The following ASMTL variants were observed in gnomAD, a reference collection of about 807,000 sequenced individuals.
The protein encoded by ASMTL is probable bifunctional dTTP/UTP pyrophosphatase/methyltransferase protein.
Under a neutral mutation model 60.3 loss-of-function variants are expected in ASMTL, and 57 were observed. The ratio of observed to expected loss-of-function variants is 0.95; its 90% CI spans 0.76 to 1.18. ASMTL has a LOEUF of 1.18. ASMTL is among the 50% of genes most tolerant of loss of function. ASMTL has a pLI of 0.00. For synonymous variants in ASMTL, 419 were observed against 373.0 expected (o/e 1.12, Z -1.42); for missense variants, 981 against 852.6 (o/e 1.15, Z -1.88).
chrX:1,412,679 A>G, intron 12 of ASMTL, 53 bp downstream of exon 12: 1 of 1,611,992 alleles, frequency 6.2e-7, no homozygotes, highest in South Asian at 1.1e-5. Context: ...TAAAACTTGA[A>G]CCCAAAATAC....
intron 2 of ASMTL, among the ~76,000 whole-genome samples, chrX:1,440,187 C>G (rs1480459196): frequency 6.6e-6 from 1 of 151,770 alleles, no homozygotes; most frequent in Non-Finnish European, 1.5e-5. Context: ...CCCGGGTTCA[C>G]GCCATTCTCC....
intron 11 of ASMTL, among the ~76,000 whole-genome samples, chrX:1,416,040 GACAGGCA>G (rs1206919440): frequency 4.3e-5 from 1 of 23,116 alleles, no homozygotes; most frequent in African/African-American, 6.8e-5. Context: ...CAGATACAGT[GACAGGCA>G]CACGCGCACA....
intron 1 of ASMTL, among the ~76,000 whole-genome samples, chrX:1,442,669 G>A (rs2091133843): frequency 2.0e-5 from 3 of 152,176 alleles, no homozygotes; most frequent in South Asian, 2.1e-4. Flanking sequence ...AACAGTGTCC[G>A]AGGATTCCCA....
rs755845711 is a variant in ASMTL, at chrX:1,412,769, G to C, written c.1608C>G (p.His536Gln). 2 of 1,613,972 alleles carry C rather than the reference G, an allele frequency of 1.2e-6. No individual in the cohort carries two copies. The highest frequency in any genetic ancestry group is 1.1e-5 in the South Asian group (1 of 91,070). The part of the protein sequence containing the change: ...ILHDWPDDKV[H>Q]KLLSRVAESC... The stretch of plus-strand genomic sequence containing the variant: ...TCTCGGCGACCCTGCTGAGTAACTT[G>C]TGGACTTTGTCGTCTGGCCAGTCAT... The change falls in exon 12 of 13, where the codon CAC becomes CAG. Residue 536 changes from histidine (H) to glutamine (Q), a missense_variant. Transcript: ENST00000381317.
At chrX:1,426,942 C>T (rs1348925992) in intron 7 of ASMTL, among the ~76,000 whole-genome samples, 3 of 151,960 alleles carry the variant, frequency 2.0e-5, no homozygotes, top group Admixed American at 2.0e-4. Context: ...GAGATCATGC[C>T]ACTGCACTCC....
chrX:1,418,067 C>T lies in ASMTL; in HGVS notation c.1428G>A (p.Met476Ile). 1 of 1,613,370 alleles carries T rather than the reference C, an allele frequency of 6.2e-7. No homozygotes were observed. The highest frequency in any genetic ancestry group is 8.5e-7 in the Non-Finnish European group (1 of 1,179,486). The change falls in exon 11 of 13, where the codon ATG (methionine) becomes ATA (isoleucine). Residue 476 changes from methionine to isoleucine, a missense_variant. Physicochemically the swap from Met to Ile is conservative, Grantham distance 10. Transcript: ENST00000381317. ...CTGGGAGGTCAAACACAGTCACCTG[C>T]ATACGAGGGTACTCACGGGCCAGCT... is the stretch of plus-strand genomic sequence containing the variant. ...ARELAREYPRMQVTVFDLPDI... is the reference protein window; with the variant it reads ...ARELAREYPRIQVTVFDLPDI...
chrX:1,445,878 G>A (rs1456509085), intron 1 of ASMTL, among the ~76,000 whole-genome samples: 5 of 152,202 alleles, frequency 3.3e-5, no homozygotes, highest in South Asian at 4.2e-4. Flanking sequence ...AGACGAGCGC[G>A]AGCCTTCTGT....
At position 1,439,137 on chromosome X, in the gene ASMTL, A is replaced by G. The variant is rs1365618889; in HGVS notation, c.233T>C (p.Leu78Pro). Reference sequence around the variant, plus strand: ...TCCAATGACCACGTCGGGGGCCCGCAGGTCTTTCTGTAAGAAAACCAGATT... The same window carrying G: ...TCCAATGACCACGTCGGGGGCCCGCGGGTCTTTCTGTAAGAAAACCAGATT... ...EVANRLYQKD[L>P]RAPDVVIGAD... The change falls in exon 3 of 13, where the codon CTG becomes CCG. Residue 78 changes from leucine (L) to proline (P), a missense_variant. Physicochemically the swap from Leu to Pro is moderately conservative, Grantham distance 98. Transcript: ENST00000381317. 1 of 1,614,010 alleles carries G rather than the reference A, an allele frequency of 6.2e-7. No homozygotes were observed. The highest frequency in any genetic ancestry group is 8.5e-7 in the Non-Finnish European group (1 of 1,179,856).
At chrX:1,433,782 G>C (rs1210753490) in intron 5 of ASMTL, among the ~76,000 whole-genome samples, 1 of 151,862 alleles carries the variant, frequency 6.6e-6, no homozygotes, top group East Asian at 1.9e-4. Context: ...CGGGCATGGA[G>C]GCTCCATACA....
At chrX:1,438,551 T>C (rs2091032335) in intron 3 of ASMTL, among the ~76,000 whole-genome samples, 1 of 152,030 alleles carries the variant, frequency 6.6e-6, no homozygotes, top group Admixed American at 6.6e-5. Context: ...CTCGCTCTTG[T>C]CACCCAGGCT....
chrX:1,434,533 G>C (rs1379981545), intron 5 of ASMTL, among the ~76,000 whole-genome samples: 1 of 149,462 alleles, frequency 6.7e-6, no homozygotes, highest in Non-Finnish European at 1.5e-5. Flanking sequence ...GCCGGGTGCA[G>C]TAGCTCACAC....
chrX:1,434,993 G>C, intron 5 of ASMTL, 29 bp downstream of exon 5: 1 of 1,613,018 alleles, frequency 6.2e-7, no homozygotes, highest in African/African-American at 1.3e-5. Flanking sequence ...CGGCCTCTGG[G>C]GCTACCCCGA....
intron 11 of ASMTL, among the ~76,000 whole-genome samples, chrX:1,416,508 C>T (rs767458091): frequency 0.024 from 3,556 of 150,688 alleles, 146 homozygotes; most frequent in African/African-American, 0.083. Context: ...CACACACACA[C>T]GGATGCAGAC....
At position 1,418,976 on chromosome X, in the gene ASMTL, AC is replaced by A. The variant is rs761190599; in HGVS notation, c.1378+5del. The stretch of plus-strand genomic sequence containing the variant: ...TAAGGAGAGCCCTGGCGGGGGGGCC[AC>A]CCACCTCCCACGTCGCAGGCGGAGG... On this transcript the variant is annotated splice_donor_5th_base_variant and intron_variant, in intron 10 of 12. Transcript: ENST00000381317. The A allele has an allele frequency of 3.1e-6, 5 of 1,611,782 alleles. No homozygotes were observed. The South Asian group carries it at 5.5e-5, about 18-fold the overall frequency.
intron 12 of ASMTL, among the ~76,000 whole-genome samples, chrX:1,406,865 A>T (rs2089870512): frequency 6.8e-6 from 1 of 148,052 alleles, no homozygotes; most frequent in South Asian, 2.2e-4. Context: ...GGGTGCATGG[A>T]ACAGATGGAT....
rs766563483 is a variant in ASMTL at position 1,434,989 on chromosome X, C to T, written c.400+33G>A. Reference sequence around the variant, plus strand: ...ATGTCCCGGGTCCTTGTCTCGGCCTCTGGGGCTACCCCGAAACCTGGGCCG... The same window carrying T: ...ATGTCCCGGGTCCTTGTCTCGGCCTTTGGGGCTACCCCGAAACCTGGGCCG... On this transcript the variant is annotated intron_variant, in intron 5 of 12. Coordinates refer to ENST00000381317, the MANE Select transcript of ASMTL (RefSeq NM_004192.4). 1.9e-6 allele frequency: 3 copies of T among 1,613,040 alleles called. No homozygotes were observed. The Admixed American group carries it at 5.0e-5, about 27-fold the overall frequency.
intron 1 of ASMTL, among the ~76,000 whole-genome samples, chrX:1,448,959 G>A (rs1178265035): frequency 6.6e-6 from 1 of 152,154 alleles, no homozygotes; most frequent in African/African-American, 2.4e-5. Context: ...TCAGCCTAAT[G>A]GCTAATGTCA....
In ASMTL at chrX:1,418,016, G is replaced by A. The variant is rs1168150372; in HGVS notation, c.1479C>T (p.Phe493=). 4 of 1,613,606 alleles carry A rather than the reference G, an allele frequency of 2.5e-6. No homozygotes were observed. Among genetic ancestry groups the A allele is most frequent in the Non-Finnish European group, 3.4e-6 (4 of 1,179,658 alleles). The change falls in exon 11 of 13, where the codon TTC becomes TTT. Residue 493 remains phenylalanine, a synonymous_variant. Transcript: ENST00000381317. ...LPDIIELAAH[F]QPPGPQAVQI... ...GCACTGCCTGCGGTCCGGGGGGTTG[G>A]AAGTGGGCGGCCAGCTCGATAATGT...
chrX:1,415,654 T>A (rs1238425181), intron 11 of ASMTL, among the ~76,000 whole-genome samples: 1 of 151,820 alleles, frequency 6.6e-6, no homozygotes, highest in Admixed American at 6.6e-5. Context: ...TTAGTAGAGA[T>A]GGGGTTTCGC....
Sources: gnomAD v4.1 joint callset for allele counts (sites outside exome capture counted in the v4.1 genomes callset) on GRCh38, gnomAD v4.1.1 for gene constraint, MANE v1.5 for transcripts, NCBI Gene and HGNC (gene_info 2026-07-23, HGNC 2026-07-21) for gene names.